SNAPC1: variants seen among roughly 807,000 people sequenced by gnomAD.
The protein encoded by SNAPC1 is small nuclear RNA activating complex polypeptide 1, also known as snRNA-activating protein complex subunit 1.
In SNAPC1, 42 loss-of-function variants were observed where a neutral mutation model predicts 50.1. The observed-to-expected ratio is 0.84, with a 90% CI of 0.65 to 1.08. SNAPC1 has a LOEUF of 1.08. Ranked by LOEUF, SNAPC1 falls within the 50% of genes least tolerant of loss-of-function variation. The pLI is 0.00. For synonymous variants in SNAPC1, 164 were observed against 144.2 expected (o/e 1.14, Z -0.98); for missense variants, 477 against 427.3 (o/e 1.12, Z -1.02).
At chr14:61,782,477 G>C in intron 8 of SNAPC1, 80 bp downstream of exon 8, 1 of 1,055,090 alleles carries the variant, frequency 9.5e-7, no homozygotes, top group Non-Finnish European at 1.4e-6. Context: ...TTATTTCCTT[G>C]TTAAGAAGGA....
At chr14:61,781,436 C>G (rs1183865391) in intron 7 of SNAPC1, among the ~76,000 whole-genome samples, 2 of 99,590 alleles carry the variant, frequency 2.0e-5, no homozygotes, top group African/African-American at 8.4e-5. Flanking sequence ...GGTGACAAAG[C>G]AAGACTCCAT....
intron 4 of SNAPC1, among the ~76,000 whole-genome samples, chr14:61,769,605 G>T (rs1284119029): frequency 6.6e-6 from 1 of 151,844 alleles, no homozygotes; most frequent in Non-Finnish European, 1.5e-5. Context: ...TGCCGTGTTA[G>T]CCAGGATGGT....
intron 8 of SNAPC1, among the ~76,000 whole-genome samples, chr14:61,791,644 T>C (rs1050769041): frequency 7.9e-5 from 12 of 152,106 alleles, no homozygotes; most frequent in African/African-American, 2.7e-4. Context: ...GGTCAGGAGT[T>C]TGAAACCAGC....
intron 1 of SNAPC1, 54 bp from the exon 2 acceptor site, chr14:61,766,822 G>A: frequency 8.6e-7 from 1 of 1,164,722 alleles, no homozygotes; most frequent in South Asian, 1.3e-5. Context: ...TTTGGCTTTT[G>A]TTCATTACTT....
chr14:61,780,010 A>C (rs190569361), intron 7 of SNAPC1, among the ~76,000 whole-genome samples: 2 of 152,152 alleles, frequency 1.3e-5, no homozygotes, highest in Admixed American at 1.3e-4. Context: ...CACCTGGCCC[A>C]TTTTGTTGGC....
chr14:61,767,229 G>A lies in SNAPC1; in HGVS notation c.306G>A (p.Lys102=), dbSNP rs896614896. The A allele has an allele frequency of 1.3e-6, 2 of 1,499,378 alleles. No homozygotes were observed. Among genetic ancestry groups the A allele is most frequent in the Admixed American group, 2.2e-5 (1 of 45,354 alleles). The allele number at this position is 1,499,378 out of a possible 1,614,324, so 92.9% of individuals were successfully genotyped here. Residue 102 remains lysine (K), a synonymous_variant, in exon 3 of 10, where the codon AAG becomes AAA. Coordinates refer to ENST00000216294, the MANE Select transcript of SNAPC1 (RefSeq NM_003082.4). ...QPKQKIRVAL[K]DWDEVLKFQQ... Reference sequence around the variant, plus strand: ...GGTTGCAGATCAGAGTTGCCCTGAAGGATTGGGATGAAGTTTTAAAATTTC... The same window carrying A: ...GGTTGCAGATCAGAGTTGCCCTGAAAGATTGGGATGAAGTTTTAAAATTTC...
chr14:61,779,134 A>G (rs1315267828), intron 7 of SNAPC1, among the ~76,000 whole-genome samples: 1 of 152,098 alleles, frequency 6.6e-6, no homozygotes. Flanking sequence ...TTCTTCTAAT[A>G]TTTACCTGGA....
In SNAPC1 at chr14:61,782,915, A is replaced by C. The variant is rs549942976; in HGVS notation, c.976+518A>C. 3.3e-5 allele frequency among the ~76,000 whole-genome samples: 5 copies of C among 149,334 alleles called. No homozygotes were observed. The East Asian group carries it at 9.6e-4, about 29-fold the overall frequency. On this transcript the variant is annotated intron_variant, in intron 8 of 9. Transcript: ENST00000216294. ...AGCAAGACTCTCAAAACAAACAAAC[A>C]AAAAAAGAAATTTAGGCCTATACAG...
Position 61,795,167 on chromosome 14 carries a change from T to G in SNAPC1, c.*184T>G. ...GTACAAAAAATTAGAATAAGAATTC[T>G]TTAACATTTTCTTTAATGATTTGCA... is the stretch of plus-strand genomic sequence containing the variant. On this transcript the variant is annotated 3_prime_UTR_variant, in exon 10 of 10. Transcript: ENST00000216294. The G allele has an allele frequency of 1.9e-6, 1 of 528,306 alleles. No individual in the cohort carries two copies. Among genetic ancestry groups the G allele is most frequent in the African/African-American group, 2.0e-5 (1 of 50,588 alleles). The allele number at this position is 528,306 out of a possible 1,614,324, so 32.7% of individuals were successfully genotyped here.
At chr14:61,771,689 G>T (rs2044992567) in intron 4 of SNAPC1, among the ~76,000 whole-genome samples, 1 of 152,172 alleles carries the variant, frequency 6.6e-6, no homozygotes, top group African/African-American at 2.4e-5. Context: ...GTTGTATATA[G>T]GAGAGGTAGC....
At chr14:61,773,405 T>G (rs1040007102) in intron 4 of SNAPC1, among the ~76,000 whole-genome samples, 3 of 144,672 alleles carry the variant, frequency 2.1e-5, no homozygotes, top group Non-Finnish European at 3.0e-5. Flanking sequence ...TAGTTTTTTT[T>G]TTTTTTTTTT....
At chr14:61,788,605 A>G (rs190544792) in intron 8 of SNAPC1, among the ~76,000 whole-genome samples, 8 of 152,338 alleles carry the variant, frequency 5.3e-5, no homozygotes, top group African/African-American at 1.9e-4. Flanking sequence ...TTCATTTATA[A>G]TTAAAGATAT....
At chr14:61,771,627 A>G (rs1415017177) in intron 4 of SNAPC1, among the ~76,000 whole-genome samples, 1 of 152,122 alleles carries the variant, frequency 6.6e-6, no homozygotes, top group Non-Finnish European at 1.5e-5. Context: ...GAGATTGGAG[A>G]GACATAATGT....
rs144874195 is a variant in SNAPC1 at position 61,794,644 on chromosome 14, A to G, written c.1073-305A>G. Among the ~76,000 whole-genome samples the G allele has an allele frequency of 6.9e-3, 1,057 of 152,216 alleles. 4 individuals carry two copies. The highest frequency in any genetic ancestry group is 0.024 in the African/African-American group (1,013 of 41,526). ...AGGATGGTCTCGATCCCCTGACCTC[A>G]TGATTCGCCCACCTTAGCCTCCCAG... On this transcript the variant is annotated intron_variant, in intron 9 of 9. Coordinates refer to ENST00000216294, the MANE Select transcript of SNAPC1 (RefSeq NM_003082.4).
intron 7 of SNAPC1, among the ~76,000 whole-genome samples, chr14:61,779,271 A>T (rs1429072095): frequency 6.6e-6 from 1 of 152,190 alleles, no homozygotes; most frequent in Non-Finnish European, 1.5e-5. Context: ...CTTGGTGTAC[A>T]TCTTTTTTGT....
chr14:61,767,225 T>A lies in SNAPC1; in HGVS notation c.302T>A (p.Leu101Gln). The change falls in exon 3 of 10, where the codon CTG becomes CAG. Residue 101 changes from leucine to glutamine, a missense_variant. By Grantham distance (113) the Leu-to-Gln change is moderately radical. Transcript: ENST00000216294. ...CQPKQKIRVA[L>Q]KDWDEVLKFQ... Reference sequence around the variant, plus strand: ...TCCTGGTTGCAGATCAGAGTTGCCCTGAAGGATTGGGATGAAGTTTTAAAA... The same window carrying A: ...TCCTGGTTGCAGATCAGAGTTGCCCAGAAGGATTGGGATGAAGTTTTAAAA... 1.3e-6 allele frequency: 2 copies of A among 1,493,904 alleles called. No individual in the cohort carries two copies. Among genetic ancestry groups the A allele is most frequent in the Non-Finnish European group, 1.8e-6 (2 of 1,120,500 alleles). The allele number at this position is 1,493,904 out of a possible 1,614,324, so 92.5% of individuals were successfully genotyped here.
chr14:61,776,316 A>G (rs2045035245), intron 5 of SNAPC1, 63 bp downstream of exon 5: 6 of 1,451,160 alleles, frequency 4.1e-6, no homozygotes, highest in Middle Eastern at 3.5e-4. Context: ...TCCGTGGATG[A>G]TAATGTTGGG....
At chr14:61,782,538 TTC>T (rs1262329633) in intron 8 of SNAPC1, 141 bp downstream of exon 8, 6 of 605,640 alleles carry the variant, frequency 9.9e-6, no homozygotes, top group Non-Finnish European at 1.7e-5. Context: ...TAAAAATAAA[TTC>T]TGTTAGATTC....
In SNAPC1 at chr14:61,782,311, G is replaced by A. The variant is rs558578037; in HGVS notation, c.890G>A (p.Gly297Asp). ...TCTTCTGACTCTGATTCTGCATCTG[G>A]TCAAGGGCAAGTCAAAGCAACTAGG... Reference protein sequence around the residue: ...LDSSDSDSASGQGQVKATRKK... With the variant: ...LDSSDSDSASDQGQVKATRKK... The change falls in exon 8 of 10, where the codon GGT becomes GAT. Residue 297 changes from glycine to aspartate, a missense_variant. Coordinates refer to ENST00000216294, the MANE Select transcript of SNAPC1 (RefSeq NM_003082.4). The A allele has an allele frequency of 7.4e-6, 12 of 1,613,426 alleles. No individual in the cohort carries two copies. The African/African-American group carries it at 1.5e-4, about 20-fold the overall frequency.
Sources: allele counts gnomAD v4.1 joint callset (sites outside exome capture counted in the v4.1 genomes callset), GRCh38; gene constraint gnomAD v4.1.1; transcripts MANE v1.5; gene names NCBI Gene and HGNC (gene_info 2026-07-23, HGNC 2026-07-21).